The following ALS2 variants were observed in gnomAD, a reference collection of about 807,000 sequenced individuals.
ALS2 encodes alsin.
A neutral mutation model predicts 203.4 loss-of-function variants in ALS2; 117 were observed. The observed-to-expected ratio is 0.58, with a 90% CI of 0.50 to 0.67. ALS2 has a LOEUF of 0.67. ALS2 is among the 30% of genes least tolerant of loss of function. The pLI is 0.00. For synonymous variants in ALS2, 718 were observed against 725.9 expected (o/e 0.99, Z 0.17); for missense variants, 1,715 against 1,989.4 (o/e 0.86, Z 2.62).
intron 3 of ALS2, chr2:201,762,942 C>A: frequency 6.3e-6 from 1 of 158,504 alleles, no homozygotes. Flanking sequence ...AAGATGAAGT[C>A]CTGCTGAAAA....
chr2:201,709,889 CT>C lies in ALS2; in HGVS notation c.4271del (p.Gln1424ArgfsTer3). 6.2e-7 allele frequency: 1 copy of C among 1,614,112 alleles called. No homozygotes were observed. Among genetic ancestry groups the C allele is most frequent in the Non-Finnish European group, 8.5e-7 (1 of 1,179,982 alleles). On this transcript the variant is annotated frameshift_variant, in exon 27 of 34. Coordinates refer to ENST00000264276, the MANE Select transcript of ALS2 (RefSeq NM_020919.4). LOFTEE classifies it high-confidence loss of function. The part of the protein sequence containing the change: ...EIKSYLKRIF[Q>X]LVRFLFPELP... ...GTGAAAAGCTCTCTTACCTCACCAGCTGGAAAATTCGCTTAAGATAGGACTT... is the reference window on the plus strand; with the variant it reads ...GTGAAAAGCTCTCTTACCTCACCAGCGGAAAATTCGCTTAAGATAGGACTT...
chr2:201,712,156 C>T (rs557123490), intron 25 of ALS2, among the ~76,000 whole-genome samples: 3 of 152,134 alleles, frequency 2.0e-5, no homozygotes, highest in Non-Finnish European at 4.4e-5. Context: ...AAAAATTATA[C>T]TATGGTTTAC....
In ALS2 at chr2:201,701,837, AGCT is replaced by A. The variant is rs898767645; in HGVS notation, c.*11_*13del. 6.2e-7 allele frequency: 1 copy of A among 1,613,256 alleles called. No homozygotes were observed. The highest frequency in any genetic ancestry group is 1.3e-5 in the African/African-American group (1 of 74,884). On this transcript the variant is annotated 3_prime_UTR_variant, in exon 34 of 34. Coordinates refer to ENST00000264276, the MANE Select transcript of ALS2 (RefSeq NM_020919.4). ...TCTGTAGTAGATAATCCAGTTTTCAAGCTGTTATGCAGCCTAGTTAAGCTTCTC... is the reference window on the plus strand; with the variant it reads ...TCTGTAGTAGATAATCCAGTTTTCAAGTTATGCAGCCTAGTTAAGCTTCTC...
chr2:201,712,937 CT>C (rs1690122281), intron 25 of ALS2, among the ~76,000 whole-genome samples: 1 of 152,062 alleles, frequency 6.6e-6, no homozygotes, highest in Non-Finnish European at 1.5e-5. Flanking sequence ...CATTATTTCA[CT>C]CTAACTGCTT....
At chr2:201,737,915 C>T (rs1691988643) in intron 12 of ALS2, among the ~76,000 whole-genome samples, 1 of 151,466 alleles carries the variant, frequency 6.6e-6, no homozygotes, top group Non-Finnish European at 1.5e-5. Context: ...GAGCGAGACC[C>T]CGTCTCAAAA....
chr2:201,768,950 ACAGTAC>A lies in ALS2; in HGVS notation c.-60-11_-60-6del. ...TTACAGAAAGTCTATCAAGACCTAA[ACAGTAC>A]AAGTAAGGAAAAGAGCAGTAAAAGA... On this transcript the variant is annotated splice_polypyrimidine_tract_variant and splice_region_variant and intron_variant, in intron 1 of 33. Transcript: ENST00000264276. The A allele has an allele frequency of 2.7e-6, 4 of 1,497,358 alleles. No individual in the cohort carries two copies. The highest frequency in any genetic ancestry group is 3.7e-6 in the Non-Finnish European group (4 of 1,075,700). 92.8% of individuals were successfully genotyped at this position (1,497,358 alleles called of 1,614,324 possible). A position where few individuals can be genotyped will look rare whatever the true frequency, so the allele number is the denominator to read the frequency against.
chr2:201,723,454 A>C lies in ALS2; in HGVS notation c.3513-13T>G. The C allele has an allele frequency of 6.3e-7, 1 of 1,599,776 alleles. No homozygotes were observed. The highest frequency in any genetic ancestry group is 8.6e-7 in the Non-Finnish European group (1 of 1,166,918). Reference sequence around the variant, plus strand: ...ATACTTTTCCCCCCTGCACAGAAATAAAAAGAAAAGAAAAAGCACTGAAGA... The same window carrying C: ...ATACTTTTCCCCCCTGCACAGAAATCAAAAGAAAAGAAAAAGCACTGAAGA... On this transcript the variant is annotated splice_polypyrimidine_tract_variant and intron_variant, in intron 21 of 33. Coordinates refer to ENST00000264276, the MANE Select transcript of ALS2 (RefSeq NM_020919.4).
At chr2:201,750,474 A>G (rs1692961524) in intron 7 of ALS2, among the ~76,000 whole-genome samples, 1 of 152,192 alleles carries the variant, frequency 6.6e-6, no homozygotes, top group African/African-American at 2.4e-5. Flanking sequence ...ATAGAGGAAG[A>G]GTAATCATGA....
intron 13 of ALS2, 64 bp from the exon 14 acceptor site, chr2:201,729,247 T>C (rs906075393): frequency 2.8e-5 from 43 of 1,549,172 alleles, no homozygotes; most frequent in Non-Finnish European, 3.7e-5. Context: ...GCAGAATCTG[T>C]AGCCTCAGTC....
chr2:201,728,807 A>G (rs1417246607), intron 14 of ALS2, among the ~76,000 whole-genome samples, 167 bp from the exon 15 acceptor site: 1 of 151,566 alleles, frequency 6.6e-6, no homozygotes, highest in Non-Finnish European at 1.5e-5. Flanking sequence ...ACAAAATTAG[A>G]GCTCAAAGGA....
intron 5 of ALS2, among the ~76,000 whole-genome samples, chr2:201,756,286 T>G (rs2106077590): frequency 6.6e-6 from 1 of 151,282 alleles, no homozygotes; most frequent in Admixed American, 6.6e-5. Context: ...TCATAGGCCT[T>G]CTTATACATC....
At chr2:201,737,094 C>A (rs1016317338) in intron 12 of ALS2, among the ~76,000 whole-genome samples, 1 of 152,162 alleles carries the variant, frequency 6.6e-6, no homozygotes, top group East Asian at 1.9e-4. Context: ...GATTCAACAA[C>A]CTCAGACCAA....
At chr2:201,706,121 C>T (rs1409227511) in intron 29 of ALS2, among the ~76,000 whole-genome samples, 4 of 152,114 alleles carry the variant, frequency 2.6e-5, no homozygotes, top group Admixed American at 6.5e-5. Flanking sequence ...CACAGTGGCT[C>T]ACACCTGTAA....
intron 1 of ALS2, among the ~76,000 whole-genome samples, chr2:201,775,631 C>A (rs1694622744): frequency 6.6e-6 from 1 of 152,076 alleles, no homozygotes. Context: ...GGAAAACTCA[C>A]CTTGCACTGA....
At chr2:201,749,867 T>C (rs1311161686) in intron 7 of ALS2, 78 bp from the exon 8 acceptor site, 1 of 1,059,798 alleles carries the variant, frequency 9.4e-7, no homozygotes, top group East Asian at 2.4e-5. Flanking sequence ...TTATAATAAT[T>C]AACATATATA....
At position 201,733,369 on chromosome 2, in the gene ALS2, C is replaced by T. The variant is rs1691690962; in HGVS notation, c.2487G>A (p.Leu829=). 1.2e-5 allele frequency: 19 copies of T among 1,613,606 alleles called. No individual in the cohort carries two copies. The highest frequency in any genetic ancestry group is 1.6e-5 in the Non-Finnish European group (19 of 1,179,698). ...LSEVNDENTQ[L]MEILNTLFFL... is the part of the protein sequence containing the mutation. ...AAAACAAAGTATTCAGTATTTCCAT[C>T]AACTGAGTGTTTTCGTCATTCACTT... Residue 829 remains leucine, a synonymous_variant, in exon 13 of 34, where the codon TTG becomes TTA. Transcript: ENST00000264276.
rs566985672 is a variant in ALS2 at position 201,763,456 on chromosome 2, C to A, written c.176-1638G>T. 5 of 271,312 alleles carry A rather than the reference C, an allele frequency of 1.8e-5. No homozygotes were observed. In the South Asian group the frequency reaches 3.2e-4, roughly 17 times the overall value. The allele number at this position is 271,312 out of a possible 1,614,324, so 16.8% of individuals were successfully genotyped here. ...AGACCTACAGCTAACTGGCCCCCAA[C>A]CTCTGGAAGGAGACTGTATTCACCA... On this transcript the variant is annotated intron_variant, in intron 3 of 33. Coordinates refer to ENST00000264276, the MANE Select transcript of ALS2 (RefSeq NM_020919.4).
At chr2:201,740,994 A>C (rs1692230220) in intron 11 of ALS2, among the ~76,000 whole-genome samples, 1 of 152,178 alleles carries the variant, frequency 6.6e-6, no homozygotes, top group Admixed American at 6.5e-5. Context: ...TGAGGTGTGA[A>C]TGAATAGAGA....
chr2:201,777,197 T>C (rs1398995800), intron 1 of ALS2, among the ~76,000 whole-genome samples: 1 of 152,032 alleles, frequency 6.6e-6, no homozygotes, highest in Non-Finnish European at 1.5e-5. Flanking sequence ...GAGTTCATGA[T>C]TGGTATATGC....
Sources: gnomAD v4.1 joint callset for allele counts (sites outside exome capture counted in the v4.1 genomes callset) on GRCh38, gnomAD v4.1.1 for gene constraint, MANE v1.5 for transcripts, NCBI Gene and HGNC (gene_info 2026-07-23, HGNC 2026-07-21) for gene names.